The following OPCML variants were observed in gnomAD, a reference collection of about 807,000 sequenced individuals.
OPCML encodes the protein opioid binding protein/cell adhesion molecule like.
In OPCML, 13 loss-of-function variants were observed where a neutral mutation model predicts 37.8. The observed-to-expected ratio is 0.34, with a 90% CI of 0.22 to 0.55. The LOEUF (loss-of-function observed/expected upper bound fraction) is 0.55, where lower values mean the gene tolerates loss of function less well. Ranked by LOEUF, OPCML falls within the 20% of genes least tolerant of loss-of-function variation. The pLI, the probability that OPCML is intolerant of heterozygous loss-of-function variation, is 0.91. For synonymous variants in OPCML, 176 were observed against 168.8 expected (o/e 1.04, Z -0.33); for missense variants, 341 against 435.6 (o/e 0.78, Z 1.93).
chr11:133,004,324 T>C, intron 1 of OPCML: 1 of 985,470 alleles, frequency 1.0e-6, no homozygotes, highest in Non-Finnish European at 1.2e-6. Context: ...TATTTTATTT[T>C]GTGGGTCCTT....
chr11:133,055,497 A>G (rs113617601), intron 1 of OPCML, among the ~76,000 whole-genome samples: 1 of 146,722 alleles, frequency 6.8e-6, no homozygotes, highest in South Asian at 2.2e-4. Flanking sequence ...TGCCTCCATG[A>G]TACTTCCAAG....
intron 2 of OPCML, among the ~76,000 whole-genome samples, chr11:132,685,707 A>C (rs1330557372): frequency 6.6e-6 from 1 of 152,192 alleles, no homozygotes; most frequent in African/African-American, 2.4e-5. Context: ...TGAGAAAAGG[A>C]AGAAAGATTT....
intron 1 of OPCML, chr11:133,005,662 T>C: frequency 1.0e-6 from 1 of 982,060 alleles, no homozygotes; most frequent in Non-Finnish European, 1.2e-6. Context: ...AAAACTGTTA[T>C]GCATGGATAC....
intron 1 of OPCML, among the ~76,000 whole-genome samples, chr11:133,207,924 A>G (rs537853415): frequency 3.5e-4 from 53 of 152,146 alleles, no homozygotes; most frequent in African/African-American, 1.2e-3. Flanking sequence ...ACTTCGCCGC[A>G]GGGTCTTCAT....
At chr11:133,254,986 T>G (rs1246528075) in intron 1 of OPCML, among the ~76,000 whole-genome samples, 1 of 152,222 alleles carries the variant, frequency 6.6e-6, no homozygotes, top group Admixed American at 6.5e-5. Context: ...CTACCTTGAT[T>G]CAAAGACATG....
chr11:132,491,170 G>T (rs1399731939), intron 4 of OPCML, among the ~76,000 whole-genome samples: 1 of 152,168 alleles, frequency 6.6e-6, no homozygotes, highest in Non-Finnish European at 1.5e-5. Flanking sequence ...CTGGCTTCCT[G>T]CCCTAACTTG....
intron 4 of OPCML, among the ~76,000 whole-genome samples, chr11:132,507,260 C>T (rs2096259220): frequency 6.6e-6 from 1 of 152,104 alleles, no homozygotes; most frequent in South Asian, 2.1e-4. Flanking sequence ...CGGTATTACT[C>T]ATTTTTGCTT....
At chr11:132,704,229 A>T (rs1395256715) in intron 2 of OPCML, among the ~76,000 whole-genome samples, 1 of 152,256 alleles carries the variant, frequency 6.6e-6, no homozygotes, top group Non-Finnish European at 1.5e-5. Context: ...AAAAGTATCA[A>T]ATGGGCAAGC....
chr11:133,146,916 T>C (rs1949905644), intron 1 of OPCML, among the ~76,000 whole-genome samples: 1 of 152,214 alleles, frequency 6.6e-6, no homozygotes, highest in Non-Finnish European at 1.5e-5. Flanking sequence ...CTGTCCAATT[T>C]ATCAGCTATT....
At chr11:133,432,237 T>C (rs1716627171) in intron 1 of OPCML, among the ~76,000 whole-genome samples, 1 of 152,116 alleles carries the variant, frequency 6.6e-6, no homozygotes, top group Admixed American at 6.6e-5. Flanking sequence ...AAAATAAAAG[T>C]TGGAAAGGAA....
rs1039779648 is a variant in OPCML at position 132,943,175 on chromosome 11, G to A, written c.62-165C>T. On this transcript the variant is annotated intron_variant, in intron 1 of 7. Transcript: ENST00000524381. The surrounding 1 kb of genome is among the most constrained non-coding windows in gnomAD (Gnocchi z 4.3). ...CCGCGCACCAGCGGGCTCGGGAAGC[G>A]GTGCGGGGAGGAGGGAAGGGGCAGA... 5.0e-6 allele frequency: 8 copies of A among 1,590,616 alleles called. No individual in the cohort carries two copies. In the East Asian group the frequency reaches 6.7e-5, roughly 13 times the overall value.
At chr11:132,786,745 C>G (rs562337019) in intron 2 of OPCML, among the ~76,000 whole-genome samples, 1 of 152,248 alleles carries the variant, frequency 6.6e-6, no homozygotes, top group Admixed American at 6.5e-5. Flanking sequence ...GGCATTCAAA[C>G]GATATCTGCT....
At position 132,657,276 on chromosome 11, in the gene OPCML, G is replaced by A. The variant is rs770223558; in HGVS notation, c.190C>T (p.Arg64Cys). The A allele has an allele frequency of 2.5e-6, 4 of 1,614,252 alleles. No homozygotes were observed. Among genetic ancestry groups the A allele is most frequent in the Admixed American group, 1.7e-5 (1 of 60,030 alleles). Residue 64 changes from arginine to cysteine, a missense_variant, in exon 3 of 8, where the codon CGC becomes TGC. By Grantham distance (180) the Arg-to-Cys change is radical. Coordinates refer to ENST00000524381, the MANE Select transcript of OPCML (RefSeq NM_001012393.5). ...TTCCCAGCGTAGAGGATGGTGCTGC[G>A]GTTTAGCCAGGCCACCCGGGTTACC... ...DRVTRVAWLN[R>C]STILYAGNDK...
intron 1 of OPCML, among the ~76,000 whole-genome samples, chr11:133,097,635 GA>G (rs1565445811): frequency 6.6e-6 from 1 of 151,660 alleles, no homozygotes. Flanking sequence ...GAATAATTAA[GA>G]AAAAAAGAGA....
intron 1 of OPCML, among the ~76,000 whole-genome samples, chr11:133,184,258 T>C (rs1426154359): frequency 3.3e-5 from 5 of 152,188 alleles, no homozygotes; most frequent in African/African-American, 9.6e-5. Context: ...GTGAATATTA[T>C]GCCAAGTGGG....
At chr11:132,725,840 GTTC>G (rs1944861032) in intron 2 of OPCML, among the ~76,000 whole-genome samples, 3 of 150,982 alleles carry the variant, frequency 2.0e-5, no homozygotes, top group Non-Finnish European at 4.4e-5. Context: ...TCTCTCTCAC[GTTC>G]AAAGTTCCAC....
intron 1 of OPCML, among the ~76,000 whole-genome samples, chr11:133,442,759 G>GTGTC (rs1367017341): frequency 6.6e-6 from 1 of 151,464 alleles, no homozygotes; most frequent in Non-Finnish European, 1.5e-5. Flanking sequence ...GTGTGTGTGT[G>GTGTC]TGTGTGTCTT....
intron 2 of OPCML, among the ~76,000 whole-genome samples, chr11:132,882,277 C>T (rs193086063): frequency 2.0e-5 from 3 of 152,286 alleles, no homozygotes; most frequent in Admixed American, 2.0e-4. Context: ...AGAAGGCAAA[C>T]GACTTTTAAA....
intron 2 of OPCML, among the ~76,000 whole-genome samples, chr11:132,732,318 A>C (rs1214019491): frequency 1.3e-5 from 2 of 152,218 alleles, no homozygotes; most frequent in African/African-American, 4.8e-5. Context: ...GGATAAATGA[A>C]AGGAAAATTC....
Sources: gnomAD v4.1 joint callset for allele counts (sites outside exome capture counted in the v4.1 genomes callset) on GRCh38, gnomAD v4.1.1 for gene constraint, Gnocchi (gnomAD v3.1) non-coding constraint, MANE v1.5 for transcripts, NCBI Gene and HGNC (gene_info 2026-07-23, HGNC 2026-07-21) for gene names.